Variants in PLXNB2 observed in about 807,000 individuals in gnomAD.
PLXNB2 encodes plexin B2.
In PLXNB2, 85 loss-of-function variants were observed where a neutral mutation model predicts 202.6. The observed-to-expected ratio is 0.42, with a 90% CI of 0.35 to 0.50. The LOEUF (loss-of-function observed/expected upper bound fraction) is 0.50. PLXNB2 is among the 20% of genes least tolerant of loss of function. PLXNB2 has a pLI of 0.02. For missense variants in PLXNB2, 2,063 were observed against 2,586.2 expected (o/e 0.80, Z 4.39); for synonymous variants, 1,239 against 1,137.6 (o/e 1.09, Z -1.79).
At position 50,277,966 on chromosome 22, in the gene PLXNB2, C is replaced by T. The variant is rs770077429; in HGVS notation, c.4935G>A (p.Ala1645=). 2.3e-5 allele frequency: 37 copies of T among 1,612,820 alleles called. No individual in the cohort carries two copies. The highest frequency in any genetic ancestry group is 3.3e-5 in the Admixed American group (2 of 60,008). ...CTGCAGGTGGCACCGCGTGCCCAGG[C>T]GCCAGCACGCTCTGGAAGAAGTTGT... The part of the protein sequence containing the change: ...FVDNFFQSVL[A]PGHAVPPAVK... The change falls in exon 32 of 37, where the codon GCG becomes GCA. Residue 1645 remains alanine (A), a synonymous_variant. Transcript: ENST00000359337.
rs898650545 is a variant in PLXNB2, at chr22:50,278,374, A to G, written c.4732+61T>C. ...GGGCAGGGGTGCATGTGTCCAGGGC[A>G]GACATGGTCCACGCTGACCACCAGG... On this transcript the variant is annotated intron_variant, in intron 30 of 36. Transcript: ENST00000359337. The G allele has an allele frequency of 2.6e-6, 4 of 1,563,492 alleles. No homozygotes were observed. In the Admixed American group the frequency reaches 7.1e-5, roughly 28 times the overall value.
chr22:50,276,210 C>T (rs544819115), intron 35 of PLXNB2, among the ~76,000 whole-genome samples: 2 of 121,782 alleles, frequency 1.6e-5, no homozygotes, highest in South Asian at 2.7e-4. Context: ...CCCACAGGGA[C>T]GGGTGCTGTG....
intron 1 of PLXNB2, among the ~76,000 whole-genome samples, chr22:50,307,174 C>T (rs1002156981): frequency 6.6e-6 from 1 of 152,192 alleles, no homozygotes; most frequent in Non-Finnish European, 1.5e-5. Context: ...ATCCAGGCTC[C>T]TGTGCCGCTG....
intron 1 of PLXNB2, among the ~76,000 whole-genome samples, chr22:50,306,588 G>C (rs2067889434): frequency 7.3e-6 from 1 of 137,756 alleles, no homozygotes; most frequent in Non-Finnish European, 1.6e-5. Flanking sequence ...AGCAAGGGCC[G>C]AAGTCAGACA....
intron 16 of PLXNB2, 34 bp downstream of exon 16, chr22:50,283,303 C>G (rs200612211): frequency 4.3e-6 from 7 of 1,609,978 alleles, no homozygotes; most frequent in African/African-American, 1.3e-5. Context: ...CCGGTCCTCC[C>G]GGGTTCGGCA....
At chr22:50,303,973 C>G (rs2067797817) in intron 1 of PLXNB2, among the ~76,000 whole-genome samples, 1 of 152,228 alleles carries the variant, frequency 6.6e-6, no homozygotes, top group African/African-American at 2.4e-5. Context: ...CAGCCCAGGG[C>G]AGTCTCCTCC....
chr22:50,300,270 C>T, intron 1 of PLXNB2: 2 of 985,298 alleles, frequency 2.0e-6, no homozygotes, highest in Non-Finnish European at 2.4e-6. Flanking sequence ...CCCCGCGGGG[C>T]GCTCACCTGG....
chr22:50,296,838 G>A (rs1303268825), intron 1 of PLXNB2, among the ~76,000 whole-genome samples: 1 of 152,124 alleles, frequency 6.6e-6, no homozygotes, highest in Admixed American at 6.6e-5. Context: ...CATGTGCCCT[G>A]TGCAGCGGGA....
rs753888397 is a variant in PLXNB2, at chr22:50,289,646, C to G, written c.939G>C (p.Leu313=). Residue 313 remains leucine (L), a synonymous_variant, in exon 3 of 37, where the codon CTG becomes CTC. Transcript: ENST00000359337. The surrounding 1 kb of genome is among the most constrained non-coding windows in gnomAD (Gnocchi z 8.0). ...SSGGPGAGLC[L]FPLDKVHAKM... ...TGGCGTGCACCTTGTCCAGCGGGAA[C>G]AGGCAGAGGCCCGCACCGGGCCCCC... The G allele has an allele frequency of 6.8e-6, 11 of 1,609,506 alleles. No homozygotes were observed. In the East Asian group the frequency reaches 1.6e-4, roughly 23 times the overall value.
chr22:50,288,022 C>A lies in PLXNB2; in HGVS notation c.1396G>T (p.Val466Leu). The change falls in exon 6 of 37, where the codon GTG (valine) becomes TTG (leucine). Residue 466 changes from valine (V) to leucine (L), a missense_variant. Val to Leu is a conservative substitution (Grantham distance 32, BLOSUM62 1). This residue lies in a region of PLXNB2 where 1,303 missense variants were observed against 1,476.8 expected (regional missense o/e 0.88). Coordinates refer to ENST00000359337, the MANE Select transcript of PLXNB2 (RefSeq NM_012401.4). This position sits in a 1 kb window ranked among gnomAD's most constrained non-coding sequence, Gnocchi z 5.0. ...MTQDKVFRLP[V>L]QECLSYPTCT... is the part of the protein sequence containing the mutation. ...GTCGGGTAGCTCAGGCACTCCTGCA[C>A]CGGCAGCCGGAACACCTAGGGCAGC... The A allele has an allele frequency of 6.4e-7, 1 of 1,560,412 alleles. No homozygotes were observed. Among genetic ancestry groups the A allele is most frequent in the South Asian group, 1.2e-5 (1 of 84,770 alleles).
intron 1 of PLXNB2, among the ~76,000 whole-genome samples, chr22:50,295,301 C>T (rs947479260): frequency 3.1e-5 from 4 of 129,042 alleles, no homozygotes; most frequent in African/African-American, 5.8e-5. Context: ...AGCCTGACTT[C>T]GTCTCAAAAA....
rs769778490 is a variant in PLXNB2, at chr22:50,280,628, C to A, written c.4036G>T (p.Ala1346Ser). ...LENQREFSAR[A>S]KVYFASLLTV... ...AGCAGGGACGCGAAGTAGACCTTGG[C>A]GCGGGCCGAGAACTCCCGCTGGTTC... Residue 1346 changes from alanine (A) to serine (S), a missense_variant, in exon 25 of 37, where the codon GCC (alanine) becomes TCC (serine). Ala to Ser is a moderately conservative substitution (Grantham distance 99). Around this residue, in one of 2 missense-constraint regions of PLXNB2, gnomAD observed 760 missense variants for 1,109.4 expected, o/e 0.69. Coordinates refer to ENST00000359337, the MANE Select transcript of PLXNB2 (RefSeq NM_012401.4). 2 of 1,612,618 alleles carry A rather than the reference C, an allele frequency of 1.2e-6. No homozygotes were observed. The highest frequency in any genetic ancestry group is 1.7e-5 in the Admixed American group (1 of 60,020).
intron 2 of PLXNB2, 40 bp downstream of exon 2, chr22:50,294,679 G>GCC: frequency 1.1e-6 from 1 of 924,734 alleles, no homozygotes; most frequent in East Asian, 1.2e-4. Flanking sequence ...TGTCCACATA[G>GCC]CCCCAGCCAC....
In PLXNB2 at chr22:50,281,172, G is replaced by A. The variant is rs2065958882; in HGVS notation, c.3680C>T (p.Ala1227Val). 6.2e-7 allele frequency: 1 copy of A among 1,612,718 alleles called. No homozygotes were observed. The highest frequency in any genetic ancestry group is 8.5e-7 in the Non-Finnish European group (1 of 1,179,780). Residue 1227 changes from alanine (A) to valine (V), a missense_variant, in exon 23 of 37, where the codon GCC becomes GTC. This residue lies in a region of PLXNB2 where 760 missense variants were observed against 1,109.4 expected (regional missense o/e 0.69). Transcript: ENST00000359337. ...VYCYWRKSQQAEREYEKIKSQ... is the reference protein window; with the variant it reads ...VYCYWRKSQQVEREYEKIKSQ... ...CTTGATCTTCTCATACTCTCGTTCGGCCTGCTGGCTCTTCCTCCTGCAAGG... is the reference window on the plus strand; with the variant it reads ...CTTGATCTTCTCATACTCTCGTTCGACCTGCTGGCTCTTCCTCCTGCAAGG...
chr22:50,275,544 C>A lies in PLXNB2; in HGVS notation c.*160G>T. On this transcript the variant is annotated 3_prime_UTR_variant, in exon 37 of 37. Coordinates refer to ENST00000359337, the MANE Select transcript of PLXNB2 (RefSeq NM_012401.4). ...CGGTATTGCTCAGAGGAAGATGCTACAGTCTAGACGCTGGGCGGGTTCCGG... is the reference window on the plus strand; with the variant it reads ...CGGTATTGCTCAGAGGAAGATGCTAAAGTCTAGACGCTGGGCGGGTTCCGG... 1.5e-6 allele frequency: 1 copy of A among 655,504 alleles called. No individual in the cohort carries two copies. The highest frequency in any genetic ancestry group is 2.8e-6 in the Non-Finnish European group (1 of 356,250). The allele number at this position is 655,504 out of a possible 1,614,324, so 40.6% of individuals were successfully genotyped here. A position where few individuals can be genotyped will look rare whatever the true frequency, so the allele number is the denominator to read the frequency against.
At chr22:50,277,307 A>AT (rs2065675575) in intron 33 of PLXNB2, among the ~76,000 whole-genome samples, 2 of 151,722 alleles carry the variant, frequency 1.3e-5, no homozygotes, top group Admixed American at 6.6e-5. Flanking sequence ...TCTCAAAAAA[A>AT]AAAAAAGAAA....
At position 50,283,415 on chromosome 22, in the gene PLXNB2, C is replaced by A. The variant is rs568320434; in HGVS notation, c.2601G>T (p.Thr867=). The A allele has an allele frequency of 1.2e-6, 2 of 1,613,212 alleles. No homozygotes were observed. Among genetic ancestry groups the A allele is most frequent in the Non-Finnish European group, 1.7e-6 (2 of 1,179,930 alleles). Residue 867 remains threonine (T), a synonymous_variant, in exon 16 of 37, where the codon ACG becomes ACT. Transcript: ENST00000359337. ...CCACCTCGACACCCCCCGTGAAAGG[C>A]GTCTCCGCAGCCTCGATCACACACA... is the stretch of plus-strand genomic sequence containing the variant. ...RIVCVIEAAE[T]PFTGGVEVDV...
At position 50,275,594 on chromosome 22, in the gene PLXNB2, C is replaced by T. The variant is rs891316375; in HGVS notation, c.*110G>A. Reference sequence around the variant, plus strand: ...GCTGCACCCACTCCGGCTTGGGGCGCGTTCCAGGGGAGGGTGGGGGCCTCA... The same window carrying T: ...GCTGCACCCACTCCGGCTTGGGGCGTGTTCCAGGGGAGGGTGGGGGCCTCA... On this transcript the variant is annotated 3_prime_UTR_variant, in exon 37 of 37. Coordinates refer to ENST00000359337, the MANE Select transcript of PLXNB2 (RefSeq NM_012401.4). 14 of 744,160 alleles carry T rather than the reference C, an allele frequency of 1.9e-5. No individual in the cohort carries two copies. The highest frequency in any genetic ancestry group is 1.1e-4 in the African/African-American group (6 of 56,792). 46.1% of individuals were successfully genotyped at this position (744,160 alleles called of 1,614,324 possible).
rs80199648 is a variant in PLXNB2 at position 50,281,431 on chromosome 22, C to T, written c.3591G>A (p.Pro1197=). 4.8e-3 allele frequency: 7,742 copies of T among 1,612,228 alleles called. 325 individuals are homozygous for T. The African/African-American group carries it at 0.09, about 19-fold the overall frequency. Residue 1197 remains proline, a synonymous_variant, in exon 22 of 37, where the codon CCG becomes CCA. Transcript: ENST00000359337. The part of the protein sequence containing the change: ...VEYDTRVSDV[P]LSLILPLVIV... ...TGACCAGCGGCAAGATGAGGCTGAGCGGCACGTCGCTCACCCGTGTGTCGT... is the reference window on the plus strand; with the variant it reads ...TGACCAGCGGCAAGATGAGGCTGAGTGGCACGTCGCTCACCCGTGTGTCGT...
Sources: gnomAD v4.1 joint callset for allele counts (sites outside exome capture counted in the v4.1 genomes callset) on GRCh38, gnomAD v4.1.1 for gene constraint, gnomAD v4.1.1 regional missense constraint, Gnocchi (gnomAD v3.1) non-coding constraint, MANE v1.5 for transcripts, NCBI Gene and HGNC (gene_info 2026-07-23, HGNC 2026-07-21) for gene names.